Variants in OR52B6 observed in about 807,000 individuals in gnomAD.
OR52B6 encodes olfactory receptor family 52 subfamily B member 6, also known as olfactory receptor 52B6.
For synonymous variants in OR52B6, 169 were observed against 160.0 expected (o/e 1.06, Z -0.42); for missense variants, 433 against 416.8 (o/e 1.04, Z -0.34).
rs780606763 is a variant in OR52B6 at position 5,581,656 on chromosome 11, T to C, written c.780T>C (p.Cys260=). 1 of 1,614,172 alleles carries C rather than the reference T, an allele frequency of 6.2e-7. No homozygotes were observed. The highest frequency in any genetic ancestry group is 1.1e-5 in the South Asian group (1 of 91,078). Residue 260 remains cysteine (C), a synonymous_variant, in exon 1 of 1, where the codon TGT becomes TGC. Coordinates refer to ENST00000345043, the MANE Select transcript of OR52B6 (RefSeq NM_001005162.2). ...CCCGCTCCAAGGCCCTGAGTACCTG[T>C]GGATCCCATATCTGTGTCATCCTAC... ...QDARSKALST[C]GSHICVILLF... is the part of the protein sequence containing the mutation.
chr11:5,580,900 T>C lies in OR52B6; in HGVS notation c.24T>C (p.His8=). The change falls in exon 1 of 1, where the codon CAT becomes CAC. Residue 8 remains histidine (H), a synonymous_variant. Coordinates refer to ENST00000345043, the MANE Select transcript of OR52B6 (RefSeq NM_001005162.2). MAQVRAL[H]KIMALFSANS... ...CTATGGCACAGGTGAGGGCGCTGCA[T>C]AAAATCATGGCCCTTTTTTCTGCTA... The C allele has an allele frequency of 6.3e-7, 1 of 1,583,512 alleles. No homozygotes were observed. Among genetic ancestry groups the C allele is most frequent in the South Asian group, 1.2e-5 (1 of 84,466 alleles).
chr11:5,580,959 G>T lies in OR52B6; in HGVS notation c.83G>T (p.Arg28Leu), dbSNP rs766741966. 6.2e-7 allele frequency: 1 copy of T among 1,613,426 alleles called. No homozygotes were observed. Reference protein sequence around the residue: ...SIGAMNNSDTRIAGCFLTGIP... With the variant: ...SIGAMNNSDTLIAGCFLTGIP... ...GGTGCTATGAACAACTCTGACACTC[G>T]CATAGCAGGCTGCTTCCTCACTGGC... is the stretch of plus-strand genomic sequence containing the variant. Residue 28 changes from arginine to leucine, a missense_variant, in exon 1 of 1, where the codon CGC (arginine) becomes CTC (leucine). Arg to Leu is a moderately radical substitution (Grantham distance 102). Transcript: ENST00000345043.
In OR52B6 at chr11:5,581,449, T is replaced by C. The variant is rs892336; in HGVS notation, c.573T>C (p.Asn191=). The C allele has an allele frequency of 0.51, 818,977 of 1,613,474 alleles. 218,510 individuals are homozygous for C. Among genetic ancestry groups the C allele is most frequent in the East Asian group, 0.98 (43,818 of 44,880 alleles). Residue 191 remains asparagine, a synonymous_variant, in exon 1 of 1, where the codon AAT becomes AAC. Coordinates refer to ENST00000345043, the MANE Select transcript of OR52B6 (RefSeq NM_001005162.2). ...AGCACCTGCACTATTGCCAGATCAA[T>C]ATCATTGCACACACATTTTGTGAGC... ...LLEHLHYCQI[N]IIAHTFCEHM...
chr11:5,581,126 T>A lies in OR52B6; in HGVS notation c.250T>A (p.Ser84Thr), dbSNP rs1042245677. The change falls in exon 1 of 1, where the codon TCT (serine) becomes ACT (threonine). Residue 84 changes from serine (S) to threonine (T), a missense_variant. Transcript: ENST00000345043. ...GCATGAGCCCATGTACATATTCTTA[T>A]CTATGCTGGCCAGTGCTGATGTCTT... ...ILHEPMYIFL[S>T]MLASADVLLS... is the part of the protein sequence containing the mutation. 6.2e-7 allele frequency: 1 copy of A among 1,614,120 alleles called. No homozygotes were observed. Among genetic ancestry groups the A allele is most frequent in the East Asian group, 2.2e-5 (1 of 44,878 alleles).
rs1847159781 is a variant in OR52B6 at position 5,580,999 on chromosome 11, G to A, written c.123G>A (p.Glu41=). 6.2e-6 allele frequency: 10 copies of A among 1,614,116 alleles called. No homozygotes were observed. Among genetic ancestry groups the A allele is most frequent in the Non-Finnish European group, 8.5e-6 (10 of 1,179,990 alleles). ...GCFLTGIPGL[E]QLHIWLSIPF... The stretch of plus-strand genomic sequence containing the variant: ...TCCTCACTGGCATCCCTGGGCTGGA[G>A]CAACTACATATCTGGCTGTCCATCC... Residue 41 remains glutamate, a synonymous_variant, in exon 1 of 1, where the codon GAG becomes GAA. Transcript: ENST00000345043.
In OR52B6 at chr11:5,581,874, G is replaced by C. The variant is rs1419262473; in HGVS notation, c.998G>C (p.Gly333Ala). 6.4e-7 allele frequency: 1 copy of C among 1,572,646 alleles called. No individual in the cohort carries two copies. The highest frequency in any genetic ancestry group is 1.4e-5 in the African/African-American group (1 of 73,154). Residue 333 changes from glycine to alanine, a missense_variant, in exon 1 of 1, where the codon GGA becomes GCA. Gly to Ala is a moderately conservative substitution (Grantham distance 60, BLOSUM62 0). Coordinates refer to ENST00000345043, the MANE Select transcript of OR52B6 (RefSeq NM_001005162.2). ...CAGATGTTTTCAAATCTTGCCAAAG[G>C]ATCTAAATAAATGCTTTCAACTTAG... is the stretch of plus-strand genomic sequence containing the variant. ...AKQMFSNLAK[G>A]SK
Position 5,580,928 on chromosome 11 carries a change from A to G in OR52B6, c.52A>G (p.Ser18Gly), listed in dbSNP as rs1847159095. The G allele has an allele frequency of 6.2e-7, 1 of 1,605,306 alleles. No homozygotes were observed. The highest frequency in any genetic ancestry group is 8.5e-7 in the Non-Finnish European group (1 of 1,176,438). ...HKIMALFSANSIGAMNNSDTR... is the reference protein window; with the variant it reads ...HKIMALFSANGIGAMNNSDTR... ...AATCATGGCCCTTTTTTCTGCTAACAGCATAGGTGCTATGAACAACTCTGA... is the reference window on the plus strand; with the variant it reads ...AATCATGGCCCTTTTTTCTGCTAACGGCATAGGTGCTATGAACAACTCTGA... The change falls in exon 1 of 1, where the codon AGC becomes GGC. Residue 18 changes from serine to glycine, a missense_variant. Coordinates refer to ENST00000345043, the MANE Select transcript of OR52B6 (RefSeq NM_001005162.2).
At position 5,581,569 on chromosome 11, in the gene OR52B6, G is replaced by C; in HGVS notation, c.693G>C (p.Met231Ile). ...TTCTCTCCACAGGCCTAGACATCATGCTTATTACTGTTTCCTACATCCACA... is the reference window on the plus strand; with the variant it reads ...TTCTCTCCACAGGCCTAGACATCATCCTTATTACTGTTTCCTACATCCACA... The part of the protein sequence containing the change: ...AALLSTGLDI[M>I]LITVSYIHIL... Residue 231 changes from methionine to isoleucine, a missense_variant, in exon 1 of 1, where the codon ATG becomes ATC. Transcript: ENST00000345043. 1 of 1,614,096 alleles carries C rather than the reference G, an allele frequency of 6.2e-7. No homozygotes were observed. The highest frequency in any genetic ancestry group is 8.5e-7 in the Non-Finnish European group (1 of 1,180,030).
rs766330944 is a variant in OR52B6, at chr11:5,581,497, C to T, written c.621C>T (p.Ser207=). Residue 207 remains serine, a synonymous_variant, in exon 1 of 1, where the codon TCC becomes TCT. Coordinates refer to ENST00000345043, the MANE Select transcript of OR52B6 (RefSeq NM_001005162.2). ...AGCACATGGGCATTGCCCATCTGTCCTGTTCTGATATCTCCATCAATGTCT... is the reference window on the plus strand; with the variant it reads ...AGCACATGGGCATTGCCCATCTGTCTTGTTCTGATATCTCCATCAATGTCT... ...FCEHMGIAHL[S]CSDISINVWY... is the part of the protein sequence containing the mutation. 3.9e-5 allele frequency: 63 copies of T among 1,613,906 alleles called. No individual in the cohort carries two copies. Among genetic ancestry groups the T allele is most frequent in the Non-Finnish European group, 4.7e-5 (56 of 1,179,970 alleles).
rs1179197296 is a variant in OR52B6 at position 5,581,093 on chromosome 11, G to A, written c.217G>A (p.Ala73Thr). 1 of 1,614,088 alleles carries A rather than the reference G, an allele frequency of 6.2e-7. No homozygotes were observed. The highest frequency in any genetic ancestry group is 1.3e-5 in the African/African-American group (1 of 75,024). The change falls in exon 1 of 1, where the codon GCA becomes ACA. Residue 73 changes from alanine to threonine, a missense_variant. Transcript: ENST00000345043. ...GILICVILSQ[A>T]ILHEPMYIFL... Reference sequence around the variant, plus strand: ...CCTAATTTGTGTCATCCTCTCCCAGGCAATCCTGCATGAGCCCATGTACAT... The same window carrying A: ...CCTAATTTGTGTCATCCTCTCCCAGACAATCCTGCATGAGCCCATGTACAT...
At position 5,581,873 on chromosome 11, in the gene OR52B6, G is replaced by T. The variant is rs1165744215; in HGVS notation, c.997G>T (p.Gly333Ter). The change falls in exon 1 of 1, where the codon GGA (glycine) becomes TGA (stop). Residue 333 changes from glycine (G) to a stop codon, truncating the protein, a stop_gained. Transcript: ENST00000345043. LOFTEE classifies it high-confidence loss of function. The part of the protein sequence containing the change: ...AKQMFSNLAK[G>*]SK ...GCAGATGTTTTCAAATCTTGCCAAA[G>T]GATCTAAATAAATGCTTTCAACTTA... 3 of 1,573,722 alleles carry T rather than the reference G, an allele frequency of 1.9e-6. No homozygotes were observed. The highest frequency in any genetic ancestry group is 1.7e-6 in the Non-Finnish European group (2 of 1,164,412).
rs1295961665 is a variant in OR52B6 at position 5,581,302 on chromosome 11, T to C, written c.426T>C (p.Tyr142=). 5 of 1,613,710 alleles carry C rather than the reference T, an allele frequency of 3.1e-6. No homozygotes were observed. Among genetic ancestry groups the C allele is most frequent in the African/African-American group, 2.7e-5 (2 of 74,938 alleles). Residue 142 remains tyrosine (Y), a synonymous_variant, in exon 1 of 1, where the codon TAT becomes TAC. Transcript: ENST00000345043. The stretch of plus-strand genomic sequence containing the variant: ...TGCTGGCCATGGCCTTTGACCGCTA[T>C]GTGGCCATCTGCTCCCCCCTGCGAT... ...AVLLAMAFDR[Y]VAICSPLRYV...
Position 5,580,964 on chromosome 11 carries a change from G to T in OR52B6, c.88G>T (p.Ala30Ser). Residue 30 changes from alanine (A) to serine (S), a missense_variant, in exon 1 of 1, where the codon GCA (alanine) becomes TCA (serine). Ala to Ser is a moderately conservative substitution (Grantham distance 99, BLOSUM62 1). Transcript: ENST00000345043. ...GAMNNSDTRI[A>S]GCFLTGIPGL... The stretch of plus-strand genomic sequence containing the variant: ...TATGAACAACTCTGACACTCGCATA[G>T]CAGGCTGCTTCCTCACTGGCATCCC... 1 of 1,613,720 alleles carries T rather than the reference G, an allele frequency of 6.2e-7. No homozygotes were observed.
At position 5,581,172 on chromosome 11, in the gene OR52B6, C is replaced by T. The variant is rs1471757161; in HGVS notation, c.296C>T (p.Pro99Leu). Residue 99 changes from proline to leucine, a missense_variant, in exon 1 of 1, where the codon CCT becomes CTT. By Grantham distance (98) the Pro-to-Leu change is moderately conservative. Coordinates refer to ENST00000345043, the MANE Select transcript of OR52B6 (RefSeq NM_001005162.2). Reference protein sequence around the residue: ...ADVLLSTTTMPKALANLWLGY... With the variant: ...ADVLLSTTTMLKALANLWLGY... Reference sequence around the variant, plus strand: ...GTCTTGCTCTCTACCACCACCATGCCTAAGGCCCTGGCCAATTTGTGGCTA... The same window carrying T: ...GTCTTGCTCTCTACCACCACCATGCTTAAGGCCCTGGCCAATTTGTGGCTA... 6.2e-7 allele frequency: 1 copy of T among 1,613,222 alleles called. No homozygotes were observed. Among genetic ancestry groups the T allele is most frequent in the East Asian group, 2.2e-5 (1 of 44,884 alleles).
rs1376877066 is a variant in OR52B6, at chr11:5,580,945, C to T, written c.69C>T (p.Asn23=). ...LFSANSIGAM[N]NSDTRIAGCF... is the part of the protein sequence containing the mutation. ...CTGCTAACAGCATAGGTGCTATGAA[C>T]AACTCTGACACTCGCATAGCAGGCT... The change falls in exon 1 of 1, where the codon AAC becomes AAT. Residue 23 remains asparagine, a synonymous_variant. Transcript: ENST00000345043. 2.5e-6 allele frequency: 4 copies of T among 1,612,072 alleles called. No homozygotes were observed. In the African/African-American group the frequency reaches 4.0e-5, roughly 16 times the overall value.
chr11:5,581,772 T>C lies in OR52B6; in HGVS notation c.896T>C (p.Leu299Pro), dbSNP rs1847171027. Reference protein sequence around the residue: ...PCYVHILLASLYVVIPPMLNP... With the variant: ...PCYVHILLASPYVVIPPMLNP... ...TATGTCCATATTCTCCTGGCCAGCC[T>C]CTACGTTGTCATTCCTCCTATGCTC... is the stretch of plus-strand genomic sequence containing the variant. The change falls in exon 1 of 1, where the codon CTC becomes CCC. Residue 299 changes from leucine to proline, a missense_variant. Leu to Pro is a moderately conservative substitution (Grantham distance 98, BLOSUM62 -3). Coordinates refer to ENST00000345043, the MANE Select transcript of OR52B6 (RefSeq NM_001005162.2). The C allele has an allele frequency of 6.2e-7, 1 of 1,614,128 alleles. No individual in the cohort carries two copies. Among genetic ancestry groups the C allele is most frequent in the Non-Finnish European group, 8.5e-7 (1 of 1,179,956 alleles).
At position 5,581,858 on chromosome 11, in the gene OR52B6, T is replaced by C; in HGVS notation, c.982T>C (p.Ser328Pro). The change falls in exon 1 of 1, where the codon TCA (serine) becomes CCA (proline). Residue 328 changes from serine (S) to proline (P), a missense_variant. Ser to Pro is a moderately conservative substitution (Grantham distance 74). Transcript: ENST00000345043. ...PILEGAKQMFSNLAKGSK is the reference protein window; with the variant it reads ...PILEGAKQMFPNLAKGSK ...ACTGGAAGGGGCTAAGCAGATGTTT[T>C]CAAATCTTGCCAAAGGATCTAAATA... 3 of 1,585,792 alleles carry C rather than the reference T, an allele frequency of 1.9e-6. No individual in the cohort carries two copies. The highest frequency in any genetic ancestry group is 2.6e-6 in the Non-Finnish European group (3 of 1,169,962).
Position 5,581,843 on chromosome 11 carries a change from G to A in OR52B6, c.967G>A (p.Ala323Thr), listed in dbSNP as rs753186451. The part of the protein sequence containing the change: ...GVRTKPILEG[A>T]KQMFSNLAKG... ...GAGGACTAAGCCAATACTGGAAGGG[G>A]CTAAGCAGATGTTTTCAAATCTTGC... Residue 323 changes from alanine (A) to threonine (T), a missense_variant, in exon 1 of 1, where the codon GCT (alanine) becomes ACT (threonine). Transcript: ENST00000345043. 5.6e-6 allele frequency: 9 copies of A among 1,600,560 alleles called. No individual in the cohort carries two copies. The African/African-American group carries it at 9.4e-5, about 17-fold the overall frequency.
In OR52B6 at chr11:5,581,140, T is replaced by C; in HGVS notation, c.264T>C (p.Ser88=). Residue 88 remains serine (S), a synonymous_variant, in exon 1 of 1, where the codon AGT becomes AGC. Coordinates refer to ENST00000345043, the MANE Select transcript of OR52B6 (RefSeq NM_001005162.2). ...ACATATTCTTATCTATGCTGGCCAG[T>C]GCTGATGTCTTGCTCTCTACCACCA... ...PMYIFLSMLA[S]ADVLLSTTTM... The C allele has an allele frequency of 1.2e-6, 2 of 1,613,876 alleles. No homozygotes were observed. The highest frequency in any genetic ancestry group is 1.1e-5 in the South Asian group (1 of 91,030).
Sources: gnomAD v4.1 joint callset for allele counts on GRCh38, gnomAD v4.1.1 for gene constraint, MANE v1.5 for transcripts, NCBI Gene and HGNC (gene_info 2026-07-23, HGNC 2026-07-21) for gene names.